The following CYP4F22 variants were observed in gnomAD, a reference collection of about 807,000 sequenced individuals.
The protein encoded by CYP4F22 is cytochrome P450 family 4 subfamily F member 22.
A neutral mutation model predicts 60.4 loss-of-function variants in CYP4F22; 37 were observed. The observed-to-expected ratio is 0.61, with a 90% CI of 0.47 to 0.81. The LOEUF (loss-of-function observed/expected upper bound fraction) is 0.81. Ranked by LOEUF, CYP4F22 falls within the 30% of genes least tolerant of loss-of-function variation. CYP4F22 has a pLI of 0.00. For synonymous variants in CYP4F22, 258 were observed against 280.5 expected (o/e 0.92, Z 0.80); for missense variants, 655 against 715.0 (o/e 0.92, Z 0.96).
chr19:15,511,236 A>G (rs999507877), intron 1 of CYP4F22, among the ~76,000 whole-genome samples: 1 of 151,686 alleles, frequency 6.6e-6, no homozygotes, highest in Non-Finnish European at 1.5e-5. Context: ...CTGAGATTAC[A>G]GGCATGATTA....
intron 1 of CYP4F22, among the ~76,000 whole-genome samples, chr19:15,521,540 C>T (rs1057247644): frequency 1.3e-5 from 2 of 152,046 alleles, no homozygotes; most frequent in African/African-American, 2.4e-5. Flanking sequence ...CCTACTTCCA[C>T]GTTTTAGTGA....
intron 2 of CYP4F22, among the ~76,000 whole-genome samples, chr19:15,524,257 T>C (rs1037791470): frequency 1.3e-4 from 20 of 152,164 alleles, no homozygotes; most frequent in Non-Finnish European, 1.5e-5. Flanking sequence ...CTTAAATCCA[T>C]AGAGACAGAA....
chr19:15,519,528 G>A (rs1356733567), intron 1 of CYP4F22, among the ~76,000 whole-genome samples: 1 of 152,178 alleles, frequency 6.6e-6, no homozygotes, highest in Non-Finnish European at 1.5e-5. Context: ...CTTCCAAAGT[G>A]CTGGGATTAC....
chr19:15,521,571 A>G (rs1971225816), intron 1 of CYP4F22, among the ~76,000 whole-genome samples: 1 of 152,204 alleles, frequency 6.6e-6, no homozygotes, highest in Non-Finnish European at 1.5e-5. Context: ...TGCTGCTCTG[A>G]ACATGAGTGT....
At chr19:15,522,480 G>T (rs1971237092) in intron 1 of CYP4F22, among the ~76,000 whole-genome samples, 1 of 152,042 alleles carries the variant, frequency 6.6e-6, no homozygotes, top group Non-Finnish European at 1.5e-5. Flanking sequence ...TTTGAGATCA[G>T]CCTGGGTAAC....
At chr19:15,514,356 T>C (rs565983976) in intron 1 of CYP4F22, among the ~76,000 whole-genome samples, 1 of 152,328 alleles carries the variant, frequency 6.6e-6, no homozygotes, top group African/African-American at 2.4e-5. Flanking sequence ...AACTGTGCGA[T>C]ATAATTAGAT....
intron 8 of CYP4F22, 91 bp downstream of exon 8, chr19:15,540,808 G>A: frequency 4.6e-6 from 7 of 1,516,954 alleles, no homozygotes; most frequent in Non-Finnish European, 5.4e-6. Flanking sequence ...AACTCCATTA[G>A]GCGTGGTGGC....
Position 15,540,509 on chromosome 19 carries a change from A to G in CYP4F22, c.731A>G (p.Gln244Arg), listed in dbSNP as rs761113998. ...CTGAGCGCTCTGTCTGTCCGGCGCC[A>G]GTATCGCTTGCACCACTACCTCGAC... ...IELSALSVRR[Q>R]YRLHHYLDFI... is the part of the protein sequence containing the mutation. Residue 244 changes from glutamine to arginine, a missense_variant, in exon 8 of 14, where the codon CAG (glutamine) becomes CGG (arginine). Coordinates refer to ENST00000269703, the MANE Select transcript of CYP4F22 (RefSeq NM_173483.4). 5.6e-6 allele frequency: 9 copies of G among 1,614,084 alleles called. No homozygotes were observed. The South Asian group carries it at 7.7e-5, about 14-fold the overall frequency.
chr19:15,539,539 G>A (rs890835368), intron 7 of CYP4F22, among the ~76,000 whole-genome samples: 1 of 152,114 alleles, frequency 6.6e-6, no homozygotes, highest in African/African-American at 2.4e-5. Context: ...TAATTCTTTT[G>A]GCTATATACC....
At chr19:15,508,717 G>A (rs1009023309) in intron 1 of CYP4F22, 134 bp downstream of exon 1, 68 of 151,398 alleles carry the variant, frequency 4.5e-4, no homozygotes, top group Non-Finnish European at 7.6e-4. Context: ...GGCGCAGCCG[G>A]CCACGGGGAC....
Position 15,548,011 on chromosome 19 carries a change from G to A in CYP4F22, c.1137-97G>A, listed in dbSNP as rs1308427104. The A allele has an allele frequency of 4.2e-6, 3 of 717,888 alleles. No homozygotes were observed. The African/African-American group carries it at 7.2e-5, about 17-fold the overall frequency. 44.5% of individuals were successfully genotyped at this position (717,888 alleles called of 1,614,324 possible). A position where few individuals can be genotyped will look rare whatever the true frequency, so the allele number is the denominator to read the frequency against. ...AGAGAGAGAGGGAGAGAGTGTGTGT[G>A]TGTGTGTGTGTGTGTGTGTGTGTGT... On this transcript the variant is annotated intron_variant, in intron 10 of 13. Transcript: ENST00000269703.
intron 4 of CYP4F22, among the ~76,000 whole-genome samples, chr19:15,531,483 A>G (rs540238595): frequency 6.6e-6 from 1 of 151,656 alleles, no homozygotes; most frequent in East Asian, 1.9e-4. Flanking sequence ...CAGGGCTGCC[A>G]CCCAGGAGCT....
intron 10 of CYP4F22, 147 bp from the exon 11 acceptor site, chr19:15,547,961 C>T (rs962940862): frequency 2.1e-5 from 26 of 1,246,186 alleles, no homozygotes; most frequent in Admixed American, 9.3e-5. Flanking sequence ...TCTTGCCCAG[C>T]TGCCCCTGAG....
At chr19:15,542,937 C>T (rs1285955812) in intron 8 of CYP4F22, among the ~76,000 whole-genome samples, 3 of 152,130 alleles carry the variant, frequency 2.0e-5, no homozygotes, top group Non-Finnish European at 4.4e-5. Context: ...ACCACATTTT[C>T]TTTATCCAGT....
intron 4 of CYP4F22, among the ~76,000 whole-genome samples, chr19:15,536,387 A>G (rs1599805210): frequency 1.3e-5 from 2 of 152,298 alleles, no homozygotes; most frequent in South Asian, 2.1e-4. Flanking sequence ...GTGACGTCGA[A>G]TAGGGGGTGG....
intron 12 of CYP4F22, 92 bp from the exon 13 acceptor site, chr19:15,550,582 A>G: frequency 7.5e-7 from 1 of 1,328,222 alleles, no homozygotes; most frequent in Non-Finnish European, 1.1e-6. Flanking sequence ...CTCCCCATCC[A>G]TCTTTACTGA....
chr19:15,519,191 C>T (rs1051294430), intron 1 of CYP4F22, among the ~76,000 whole-genome samples: 13 of 151,752 alleles, frequency 8.6e-5, no homozygotes, highest in African/African-American at 3.1e-4. Context: ...GGGGGGACAA[C>T]GTGGCTCTTA....
At chr19:15,530,445 T>G (rs774827129) in intron 4 of CYP4F22, among the ~76,000 whole-genome samples, 7 of 152,184 alleles carry the variant, frequency 4.6e-5, no homozygotes, top group Non-Finnish European at 8.8e-5. Context: ...CCTAACCCTT[T>G]GGACCTGGGT....
intron 2 of CYP4F22, among the ~76,000 whole-genome samples, chr19:15,524,354 A>T (rs1358604102): frequency 2.0e-5 from 3 of 152,160 alleles, no homozygotes; most frequent in Admixed American, 1.3e-4. Context: ...GCATAATGAA[A>T]ATGTTCTGAA....
Sources: gnomAD v4.1 joint callset for allele counts (sites outside exome capture counted in the v4.1 genomes callset) on GRCh38, gnomAD v4.1.1 for gene constraint, MANE v1.5 for transcripts, NCBI Gene and HGNC (gene_info 2026-07-23, HGNC 2026-07-21) for gene names.